The following FHIT variants were observed in gnomAD, a reference collection of about 807,000 sequenced individuals.
FHIT encodes the protein bis(5'-adenosyl)-triphosphatase.
Under a neutral mutation model 17.9 loss-of-function variants are expected in FHIT, and 19 were observed. The observed-to-expected ratio is 1.06, with a 90% CI of 0.74 to 1.56. The LOEUF (loss-of-function observed/expected upper bound fraction) is 1.56. Ranked by LOEUF, FHIT falls within the 40% of genes most tolerant of loss-of-function variation. FHIT has a pLI of 0.00. For synonymous variants in FHIT, 81 were observed against 69.7 expected (o/e 1.16, Z -0.81); for missense variants, 248 against 189.2 (o/e 1.31, Z -1.82).
chr3:60,385,592 G>C (rs1700975345), intron 5 of FHIT, among the ~76,000 whole-genome samples: 1 of 152,092 alleles, frequency 6.6e-6, no homozygotes, highest in Admixed American at 6.6e-5. Flanking sequence ...TACAATTTTT[G>C]TAACTGAAAC....
intron 3 of FHIT, among the ~76,000 whole-genome samples, chr3:60,913,120 A>G (rs1311890753): frequency 4.6e-5 from 7 of 152,238 alleles, no homozygotes; most frequent in Admixed American, 6.5e-5. Context: ...AACAGACACC[A>G]TGCCTAAGGG....
intron 5 of FHIT, among the ~76,000 whole-genome samples, chr3:60,451,161 A>AT (rs1455348734): frequency 1.8e-4 from 17 of 93,776 alleles, no homozygotes; most frequent in African/African-American, 6.2e-4. Flanking sequence ...TTTTTACTTT[A>AT]TTTTTTTTAA....
intron 7 of FHIT, among the ~76,000 whole-genome samples, chr3:60,006,821 C>T (rs1192440643): frequency 6.6e-6 from 1 of 152,038 alleles, no homozygotes; most frequent in Non-Finnish European, 1.5e-5. Flanking sequence ...TTTCATGAAT[C>T]TGAAAGATTA....
intron 5 of FHIT, among the ~76,000 whole-genome samples, chr3:60,054,476 C>G (rs181448878): frequency 6.6e-6 from 1 of 152,190 alleles, no homozygotes; most frequent in African/African-American, 2.4e-5. Context: ...ATGTACCACT[C>G]CCATCCCAAC....
chr3:60,109,959 G>C (rs1704598599), intron 5 of FHIT, among the ~76,000 whole-genome samples: 1 of 152,094 alleles, frequency 6.6e-6, no homozygotes, highest in Admixed American at 6.6e-5. Flanking sequence ...TTTGATACTT[G>C]CTTCTCAAAA....
intron 2 of FHIT, among the ~76,000 whole-genome samples, chr3:61,171,245 A>C (rs922339680): frequency 1.3e-5 from 2 of 152,118 alleles, no homozygotes; most frequent in Non-Finnish European, 2.9e-5. Context: ...GGCCGCATGT[A>C]TGTCTTCTTT....
Position 60,195,379 on chromosome 3 carries a change from C to G in FHIT, c.104-181227G>C, listed in dbSNP as rs145451893. 3.5e-3 allele frequency among the ~76,000 whole-genome samples: 527 copies of G among 151,632 alleles called. 1 individual carries two copies. The highest frequency in any genetic ancestry group is 0.012 in the African/African-American group (498 of 41,390). On this transcript the variant is annotated intron_variant, in intron 5 of 9. Coordinates refer to ENST00000492590, the MANE Select transcript of FHIT (RefSeq NM_002012.4). ...TCTCAAAGATCTAAAAGTTGACCTA[C>G]CATTCTATCTTGCGATCCCAATACT...
At chr3:60,194,481 A>G (rs1216485799) in intron 5 of FHIT, among the ~76,000 whole-genome samples, 2 of 152,188 alleles carry the variant, frequency 1.3e-5, no homozygotes, top group Non-Finnish European at 2.9e-5. Context: ...AACCATAAAA[A>G]TCTTAGAAGA....
intron 5 of FHIT, among the ~76,000 whole-genome samples, chr3:60,477,423 T>A (rs1219690504): frequency 6.6e-6 from 1 of 152,172 alleles, no homozygotes; most frequent in East Asian, 1.9e-4. Context: ...TTGGATTTCT[T>A]TTGCTGGGTT....
intron 4 of FHIT, among the ~76,000 whole-genome samples, chr3:60,540,460 G>A (rs1475834279): frequency 6.6e-6 from 1 of 152,154 alleles, no homozygotes; most frequent in Admixed American, 6.5e-5. Flanking sequence ...TCATGGCATT[G>A]AGCCCTCAAC....
chr3:60,839,424 A>G (rs1553744498), intron 3 of FHIT, among the ~76,000 whole-genome samples: 1 of 152,184 alleles, frequency 6.6e-6, no homozygotes, highest in African/African-American at 2.4e-5. Flanking sequence ...GTGAAGCAGC[A>G]TGCAATGAGA....
At chr3:60,093,034 C>T (rs563913943) in intron 5 of FHIT, among the ~76,000 whole-genome samples, 1 of 152,200 alleles carries the variant, frequency 6.6e-6, no homozygotes, top group East Asian at 1.9e-4. Context: ...ATTAGGTAAC[C>T]ACTGCCTCAC....
At chr3:59,848,101 T>C (rs1701788856) in intron 8 of FHIT, among the ~76,000 whole-genome samples, 1 of 152,172 alleles carries the variant, frequency 6.6e-6, no homozygotes, top group Admixed American at 6.5e-5. Flanking sequence ...ATTTGCAGGA[T>C]AGAGTCCTTT....
intron 3 of FHIT, among the ~76,000 whole-genome samples, chr3:60,831,358 A>C (rs1481676759): frequency 6.6e-6 from 1 of 152,198 alleles, no homozygotes; most frequent in Non-Finnish European, 1.5e-5. Flanking sequence ...ATGCAAGACT[A>C]AGAGAGCCAA....
chr3:60,240,858 C>T (rs1705094169), intron 5 of FHIT, among the ~76,000 whole-genome samples: 2 of 151,952 alleles, frequency 1.3e-5, no homozygotes, highest in African/African-American at 4.8e-5. Flanking sequence ...TTGAAATAAA[C>T]CAGGAAATAG....
intron 3 of FHIT, among the ~76,000 whole-genome samples, chr3:61,022,361 C>T (rs1256831838): frequency 1.3e-5 from 2 of 152,058 alleles, no homozygotes; most frequent in Admixed American, 6.6e-5. Context: ...AATAGCCTAC[C>T]AACCAAACAA....
rs150511573 is a variant in FHIT, at chr3:60,454,546, G to A, written c.103+82314C>T. On this transcript the variant is annotated intron_variant, in intron 5 of 9. Transcript: ENST00000492590. ...ACTACAGGCACCTGCCACCACACCCGGCTAATTTTTGGTATTTTTAGTAGA... is the reference window on the plus strand; with the variant it reads ...ACTACAGGCACCTGCCACCACACCCAGCTAATTTTTGGTATTTTTAGTAGA... 1.3e-3 allele frequency among the ~76,000 whole-genome samples: 198 copies of A among 151,742 alleles called. 3 individuals are homozygous for A. The East Asian group carries it at 0.028, about 22-fold the overall frequency.
At chr3:59,861,168 G>C (rs1361644931) in intron 8 of FHIT, among the ~76,000 whole-genome samples, 1 of 152,080 alleles carries the variant, frequency 6.6e-6, no homozygotes. Context: ...GTGGTATATA[G>C]GGTAAGTGCA....
intron 7 of FHIT, among the ~76,000 whole-genome samples, chr3:59,974,718 A>C (rs1372954786): frequency 6.6e-6 from 1 of 152,070 alleles, no homozygotes; most frequent in African/African-American, 2.4e-5. Flanking sequence ...TTAAATCACA[A>C]AACTCACACT....
Sources: allele counts gnomAD v4.1 joint callset (sites outside exome capture counted in the v4.1 genomes callset), GRCh38; gene constraint gnomAD v4.1.1; transcripts MANE v1.5; gene names NCBI Gene and HGNC (gene_info 2026-07-23, HGNC 2026-07-21).